SMCHD1: variants seen among roughly 807,000 people sequenced by gnomAD.
SMCHD1 encodes structural maintenance of chromosomes flexible hinge domain containing 1, also known as structural maintenance of chromosomes flexible hinge domain-containing protein 1.
SMCHD1 carries 78 observed loss-of-function variants against 254.7 expected under a neutral mutation model. That is an observed-to-expected ratio of 0.31 (90% CI 0.26 to 0.37). SMCHD1 has a LOEUF of 0.37. Ranked by LOEUF, SMCHD1 falls within the 10% of genes least tolerant of loss-of-function variation. SMCHD1 has a pLI of 1.00. For missense variants in SMCHD1, 1,840 were observed against 2,408.1 expected (o/e 0.76, Z 4.94); for synonymous variants, 766 against 794.9 (o/e 0.96, Z 0.61).
chr18:2,732,638 A>C, intron 25 of SMCHD1, 146 bp downstream of exon 25: 2 of 572,246 alleles, frequency 3.5e-6, no homozygotes, highest in East Asian at 2.9e-5. Context: ...TAAGCAGAAT[A>C]AGCTTTTTTC....
intron 30 of SMCHD1, 116 bp downstream of exon 30, chr18:2,747,763 T>G (rs2075483145): frequency 1.1e-6 from 1 of 927,130 alleles, no homozygotes; most frequent in Non-Finnish European, 1.5e-6. Context: ...ATAATCTTTA[T>G]TATTGCTTAG....
rs2076265692 is a variant in SMCHD1 at position 2,796,437 on chromosome 18, C to T, written c.5909C>T (p.Ser1970Leu). 1 of 1,603,018 alleles carries T rather than the reference C, an allele frequency of 6.2e-7. No individual in the cohort carries two copies. Among genetic ancestry groups the T allele is most frequent in the African/African-American group, 1.3e-5 (1 of 74,846 alleles). Residue 1970 changes from serine to leucine, a missense_variant, in exon 47 of 48, where the codon TCA becomes TTA. Transcript: ENST00000320876. ...ACTCCCATACGTAAGTGTAATGACT[C>T]ATTGCGTCATTCACCAAAGGTTGAG... is the stretch of plus-strand genomic sequence containing the variant. Reference protein sequence around the residue: ...GMTPIRKCNDSLRHSPKVETT... With the variant: ...GMTPIRKCNDLLRHSPKVETT...
At chr18:2,703,438 A>C (rs1186372605) in intron 12 of SMCHD1, among the ~76,000 whole-genome samples, 2 of 152,130 alleles carry the variant, frequency 1.3e-5, no homozygotes, top group Non-Finnish European at 2.9e-5. Context: ...GGCGGAAAGG[A>C]AGGTTTTATT....
chr18:2,710,514 C>T (rs1449838671), intron 17 of SMCHD1, among the ~76,000 whole-genome samples: 4 of 152,128 alleles, frequency 2.6e-5, no homozygotes, highest in African/African-American at 9.7e-5. Context: ...TCATTCAATC[C>T]GTGAACATGA....
rs2076172505 is a variant in SMCHD1, at chr18:2,791,888, C to G, written c.5720-4061C>G. Among the ~76,000 whole-genome samples, 10 of 152,184 alleles carry G rather than the reference C, an allele frequency of 6.6e-5. No homozygotes were observed. The South Asian group carries it at 2.1e-3, about 32-fold the overall frequency. On this transcript the variant is annotated intron_variant, in intron 45 of 47. Transcript: ENST00000320876. ...TCTCCCTTCAGTATCCAGCTTAGTA[C>G]TAATTAGTGCATGCATGTGAGAAGA...
intron 21 of SMCHD1, 26 bp downstream of exon 21, chr18:2,725,021 A>G (rs2074998601): frequency 7.9e-7 from 1 of 1,273,568 alleles, no homozygotes; most frequent in Non-Finnish European, 1.1e-6. Context: ...AGATCCTATG[A>G]TACTTGTTAA....
In SMCHD1 at chr18:2,775,654, C is replaced by T. The variant is rs556743352; in HGVS notation, c.5176-80C>T. 8.2e-4 allele frequency: 1,020 copies of T among 1,247,862 alleles called. 2 individuals are homozygous for T. Among genetic ancestry groups the T allele is most frequent in the Admixed American group, 2.4e-3 (82 of 33,620 alleles). The allele number at this position is 1,247,862 out of a possible 1,614,324, so 77.3% of individuals were successfully genotyped here. A position where few individuals can be genotyped will look rare whatever the true frequency, so the allele number is the denominator to read the frequency against. ...TGTGTTTCAGAGAAGTTTTTGTTAC[C>T]TAGGCTTGGGCTTTTAACATAATAT... is the stretch of plus-strand genomic sequence containing the variant. On this transcript the variant is annotated intron_variant, in intron 41 of 47. Coordinates refer to ENST00000320876, the MANE Select transcript of SMCHD1 (RefSeq NM_015295.3).
chr18:2,796,748 T>G, intron 47 of SMCHD1: 3 of 437,660 alleles, frequency 6.9e-6, no homozygotes, highest in South Asian at 5.6e-5. Flanking sequence ...GCTTGGCTAA[T>G]TTTTTGTATT....
At chr18:2,689,184 C>T (rs187882111) in intron 7 of SMCHD1, among the ~76,000 whole-genome samples, 215 of 149,850 alleles carry the variant, frequency 1.4e-3, no homozygotes, top group African/African-American at 4.8e-3. Flanking sequence ...TTGTATATTC[C>T]TTCAACTCTT....
chr18:2,726,863 C>G (rs1199618095), intron 22 of SMCHD1: 1 of 155,392 alleles, frequency 6.4e-6, no homozygotes, highest in African/African-American at 2.4e-5. Flanking sequence ...AGAAGAAAAA[C>G]TTCTAATGTT....
At chr18:2,770,728 C>T (rs890768662) in intron 39 of SMCHD1, among the ~76,000 whole-genome samples, 1 of 152,100 alleles carries the variant, frequency 6.6e-6, no homozygotes, top group Non-Finnish European at 1.5e-5. Context: ...TCAAGTGATT[C>T]TCGTGCCTCA....
In SMCHD1 at chr18:2,710,366, A is replaced by C. The variant is rs576814072; in HGVS notation, c.2260+2446A>C. Among the ~76,000 whole-genome samples, 14 of 152,210 alleles carry C rather than the reference A, an allele frequency of 9.2e-5. No individual in the cohort carries two copies. In the East Asian group the frequency reaches 2.7e-3, roughly 29 times the overall value. ...CTTGTTTTTTAAGATTGTTTTGGCTATTTGGGTCCATGGAGATTCCCTATG... is the reference window on the plus strand; with the variant it reads ...CTTGTTTTTTAAGATTGTTTTGGCTCTTTGGGTCCATGGAGATTCCCTATG... On this transcript the variant is annotated intron_variant, in intron 17 of 47. Transcript: ENST00000320876.
rs866232637 is a variant in SMCHD1, at chr18:2,662,180, A to T, written c.187-3977A>T. Among the ~76,000 whole-genome samples, 240 of 89,852 alleles carry T rather than the reference A, an allele frequency of 2.7e-3. 2 individuals carry two copies. Among genetic ancestry groups the T allele is most frequent in the African/African-American group, 7.3e-3 (117 of 16,064 alleles). The allele number at this position is 89,852 out of a possible 152,430, so 58.9% of individuals were successfully genotyped here. A position where few individuals can be genotyped will look rare whatever the true frequency, so the allele number is the denominator to read the frequency against. ...GACTCCGTCTCAAAAAAAAAAAAAT[A>T]AAATAAATAAATAAATAAATAAAGA... On this transcript the variant is annotated intron_variant, in intron 1 of 47. Coordinates refer to ENST00000320876, the MANE Select transcript of SMCHD1 (RefSeq NM_015295.3).
chr18:2,732,637 T>G, intron 25 of SMCHD1, 145 bp downstream of exon 25: 1 of 571,550 alleles, frequency 1.7e-6, no homozygotes, highest in South Asian at 2.4e-5. Flanking sequence ...GTAAGCAGAA[T>G]AAGCTTTTTT....
At chr18:2,666,613 G>A (rs1450513265) in intron 2 of SMCHD1, among the ~76,000 whole-genome samples, 1 of 151,986 alleles carries the variant, frequency 6.6e-6, no homozygotes, top group Non-Finnish European at 1.5e-5. Flanking sequence ...TTGACACTAC[G>A]CTATTTTAGA....
At chr18:2,708,900 ATATATAT>A (rs1568198734) in intron 17 of SMCHD1, among the ~76,000 whole-genome samples, 2,853 of 73,936 alleles carry the variant, frequency 0.039, 495 homozygotes, top group Middle Eastern at 0.081. Flanking sequence ...ATATATATAT[ATATATAT>A]AACATATTAA....
chr18:2,671,635 G>A lies in SMCHD1; in HGVS notation c.425-1646G>A, dbSNP rs377269473. Among the ~76,000 whole-genome samples, 245 of 136,782 alleles carry A rather than the reference G, an allele frequency of 1.8e-3. 2 individuals are homozygous for A. The highest frequency in any genetic ancestry group is 6.7e-3 in the African/African-American group (238 of 35,760). The allele number at this position is 136,782 out of a possible 152,430, so 89.7% of individuals were successfully genotyped here. On this transcript the variant is annotated intron_variant, in intron 3 of 47. Transcript: ENST00000320876. ...TTTTGAGACAGAGTCTCGCTCTGTCGCCCAGGCTGGAGTGCAGTGGCACTA... is the reference window on the plus strand; with the variant it reads ...TTTTGAGACAGAGTCTCGCTCTGTCACCCAGGCTGGAGTGCAGTGGCACTA...
rs748676173 is a variant in SMCHD1, at chr18:2,786,997, G to T, written c.5719+2376G>T. On this transcript the variant is annotated intron_variant, in intron 45 of 47. Coordinates refer to ENST00000320876, the MANE Select transcript of SMCHD1 (RefSeq NM_015295.3). ...TTTGAGCAGTGTCTTAGTCTGTTTT[G>T]TGTTGTTATAAAGGAATACCTGAAG... 6.6e-5 allele frequency among the ~76,000 whole-genome samples: 10 copies of T among 152,146 alleles called. 1 individual carries two copies. The highest frequency in any genetic ancestry group is 1.3e-4 in the Non-Finnish European group (9 of 68,026).
chr18:2,674,023 T>C lies in SMCHD1; in HGVS notation c.516T>C (p.Asp172=). The C allele has an allele frequency of 3.2e-6, 5 of 1,583,692 alleles. No individual in the cohort carries two copies. Among genetic ancestry groups the C allele is most frequent in the Non-Finnish European group, 4.3e-6 (5 of 1,165,824 alleles). Residue 172 remains aspartate, a synonymous_variant, in exon 5 of 48, where the codon GAT becomes GAC. Transcript: ENST00000320876. ...CTTATTTTGTTTCATAGCTTTTTGATGAAACACAAGGAAAACCTGCTGTTG... is the reference window on the plus strand; with the variant it reads ...CTTATTTTGTTTCATAGCTTTTTGACGAAACACAAGGAAAACCTGCTGTTG... ...VRRIQIKLLF[D]ETQGKPAVAV...
Sources: gnomAD v4.1 joint callset for allele counts (sites outside exome capture counted in the v4.1 genomes callset) on GRCh38, gnomAD v4.1.1 for gene constraint, MANE v1.5 for transcripts, NCBI Gene and HGNC (gene_info 2026-07-23, HGNC 2026-07-21) for gene names.